Variants in MEMO1 observed in about 807,000 individuals in gnomAD.
MEMO1 encodes the protein protein MEMO1.
Under a neutral mutation model 45.2 loss-of-function variants are expected in MEMO1, and 6 were observed. That is an observed-to-expected ratio of 0.13 (90% confidence interval 0.07 to 0.26). The LOEUF (loss-of-function observed/expected upper bound fraction) is 0.26, where lower values mean the gene tolerates loss of function less well. MEMO1 is among the 10% of genes least tolerant of loss of function. The pLI is 1.00. For missense variants in MEMO1, 184 were observed against 370.5 expected (o/e 0.50, Z 4.13); for synonymous variants, 78 against 124.3 (o/e 0.63, Z 2.48).
At chr2:31,896,111 G>A (rs1256953000) in intron 6 of MEMO1, among the ~76,000 whole-genome samples, 3 of 152,058 alleles carry the variant, frequency 2.0e-5, no homozygotes, top group Non-Finnish European at 4.4e-5. Flanking sequence ...CCAAAGTGCT[G>A]GGATTACAGG....
intron 8 of MEMO1, among the ~76,000 whole-genome samples, chr2:31,872,142 G>A (rs1355985972): frequency 2.0e-5 from 3 of 152,034 alleles, no homozygotes; most frequent in African/African-American, 7.2e-5. Context: ...CAGAGATGGA[G>A]TTATAAATCT....
At chr2:31,987,417 A>T (rs1466751691) in intron 2 of MEMO1, among the ~76,000 whole-genome samples, 2 of 152,222 alleles carry the variant, frequency 1.3e-5, no homozygotes, top group Non-Finnish European at 2.9e-5. Context: ...ACGTACAATT[A>T]AAAAATCATT....
At chr2:32,002,298 C>CATATACATATATACATACACAT (rs1316009907) in intron 2 of MEMO1, among the ~76,000 whole-genome samples, 1 of 145,312 alleles carries the variant, frequency 6.9e-6, no homozygotes, top group African/African-American at 2.5e-5. Context: ...TATACATATA[C>CATATACATATATACATACACAT]ATATACATAT....
chr2:31,914,225 C>G (rs568988653), intron 6 of MEMO1, among the ~76,000 whole-genome samples: 81 of 152,278 alleles, frequency 5.3e-4, no homozygotes, highest in South Asian at 1.9e-3. Context: ...ATTATCTCCA[C>G]TGACCCTACC....
intron 2 of MEMO1, among the ~76,000 whole-genome samples, chr2:31,980,772 A>G (rs753420715): frequency 2.6e-5 from 4 of 152,128 alleles, no homozygotes; most frequent in Admixed American, 6.5e-5. Flanking sequence ...CTCTAAACCC[A>G]TATCTATAGT....
At chr2:31,943,516 T>C (rs1184157437) in intron 2 of MEMO1, 133 bp from the exon 3 acceptor site, 8 of 692,746 alleles carry the variant, frequency 1.2e-5, no homozygotes, top group Non-Finnish European at 2.0e-5. Context: ...TCAGTTGGGA[T>C]GTTAATGTTT....
At chr2:31,919,786 G>A (rs1681994114) in intron 5 of MEMO1, among the ~76,000 whole-genome samples, 1 of 151,990 alleles carries the variant, frequency 6.6e-6, no homozygotes, top group Admixed American at 6.6e-5. Context: ...TCATGCCACT[G>A]CACTCCAGCC....
At position 32,000,796 on chromosome 2, in the gene MEMO1, T is replaced by C. The variant is rs77254712; in HGVS notation, c.61+9391A>G. Among the ~76,000 whole-genome samples, 94 of 152,108 alleles carry C rather than the reference T, an allele frequency of 6.2e-4. 3 individuals carry two copies. The East Asian group carries it at 0.014, about 23-fold the overall frequency. ...TCTATCTAGCATACCACATATTTTT[T>C]TTTTTTCCATGACATAGCCCTCAAG... On this transcript the variant is annotated intron_variant, in intron 2 of 9. Coordinates refer to ENST00000404530, the MANE Select transcript of MEMO1 (RefSeq NM_001301833.4).
intron 6 of MEMO1, among the ~76,000 whole-genome samples, chr2:31,909,951 A>G (rs947847570): frequency 2.3e-4 from 35 of 152,204 alleles, no homozygotes; most frequent in African/African-American, 7.9e-4. Context: ...AAAACTGCAA[A>G]AAACCAAAGA....
At chr2:31,891,448 A>G (rs1431741264) in intron 7 of MEMO1, among the ~76,000 whole-genome samples, 2 of 152,148 alleles carry the variant, frequency 1.3e-5, no homozygotes, top group Non-Finnish European at 2.9e-5. Context: ...TTACCCTTAT[A>G]AAAACATTAC....
intron 2 of MEMO1, among the ~76,000 whole-genome samples, chr2:31,946,114 G>C (rs1186710040): frequency 6.6e-6 from 1 of 152,026 alleles, no homozygotes. Flanking sequence ...AGCAGATTTT[G>C]GTTTTAATTG....
At chr2:31,901,098 G>A (rs924661962) in intron 6 of MEMO1, among the ~76,000 whole-genome samples, 3 of 152,096 alleles carry the variant, frequency 2.0e-5, no homozygotes, top group Non-Finnish European at 4.4e-5. Flanking sequence ...TGAGCTGGGC[G>A]TGGTGGCTCA....
chr2:31,906,327 G>C (rs533408370), intron 6 of MEMO1, among the ~76,000 whole-genome samples: 1 of 145,476 alleles, frequency 6.9e-6, no homozygotes, highest in South Asian at 2.2e-4. Flanking sequence ...GTTTGTTTTT[G>C]TTTTTGTTTT....
intron 6 of MEMO1, among the ~76,000 whole-genome samples, chr2:31,903,465 C>T (rs990570374): frequency 6.6e-6 from 1 of 152,112 alleles, no homozygotes; most frequent in African/African-American, 2.4e-5. Context: ...TATAAAAAAT[C>T]TTTACGCTGA....
chr2:31,980,009 T>TAA (rs34551355), intron 2 of MEMO1, among the ~76,000 whole-genome samples: 1 of 137,658 alleles, frequency 7.3e-6, no homozygotes, highest in Non-Finnish European at 1.6e-5. Context: ...TGTCTTAATT[T>TAA]AAAAAAAAAA....
intron 2 of MEMO1, among the ~76,000 whole-genome samples, chr2:31,999,491 G>A (rs961062895): frequency 2.6e-5 from 4 of 151,800 alleles, no homozygotes; most frequent in Admixed American, 6.6e-5. Flanking sequence ...AGTGAGACCC[G>A]CCCCCCCATC....
chr2:31,930,069 G>A (rs990735982), intron 4 of MEMO1, among the ~76,000 whole-genome samples: 2 of 152,214 alleles, frequency 1.3e-5, no homozygotes, highest in African/African-American at 4.8e-5. Flanking sequence ...AAACCAGCCT[G>A]GCCAAAGCCA....
At chr2:32,001,910 G>A (rs542950381) in intron 2 of MEMO1, among the ~76,000 whole-genome samples, 1 of 151,316 alleles carries the variant, frequency 6.6e-6, no homozygotes, top group South Asian at 2.1e-4. Context: ...CGCCTTGGGA[G>A]GCCAAGGAGG....
chr2:31,969,446 T>C (rs936088914), intron 2 of MEMO1, among the ~76,000 whole-genome samples: 6 of 151,674 alleles, frequency 4.0e-5, no homozygotes, highest in Non-Finnish European at 8.8e-5. Context: ...TGTATACGCA[T>C]ATATATCACA....
Sources: allele counts gnomAD v4.1 joint callset (sites outside exome capture counted in the v4.1 genomes callset), GRCh38; gene constraint gnomAD v4.1.1; transcripts MANE v1.5; gene names NCBI Gene and HGNC (gene_info 2026-07-23, HGNC 2026-07-21).